Variants in DHODH observed in about 807,000 individuals in gnomAD.
The protein encoded by DHODH is dihydroorotate dehydrogenase (quinone), also known as dihydroorotate dehydrogenase (quinone), mitochondrial.
Under a neutral mutation model 39.7 loss-of-function variants are expected in DHODH, and 30 were observed. The observed-to-expected ratio is 0.76, with a 90% confidence interval of 0.57 to 1.02. The LOEUF is 1.02. Among genes scored for constraint, DHODH ranks in the 50% least tolerant of loss-of-function variants. DHODH has a pLI of 0.00. For missense variants in DHODH, 531 were observed against 520.8 expected (o/e 1.02, Z -0.19); for synonymous variants, 222 against 213.8 (o/e 1.04, Z -0.34).
intron 1 of DHODH, among the ~76,000 whole-genome samples, chr16:72,011,010 G>A (rs1274683321): frequency 6.7e-6 from 1 of 148,164 alleles, no homozygotes; most frequent in Non-Finnish European, 1.5e-5. Flanking sequence ...ACAAGCATGA[G>A]CCACCAAGTC....
At chr16:72,015,709 G>A in intron 3 of DHODH, 3 of 985,376 alleles carry the variant, frequency 3.0e-6, no homozygotes, top group Non-Finnish European at 3.6e-6. Context: ...TTCAGAATTG[G>A]CCAGGCAAAA....
intron 1 of DHODH, among the ~76,000 whole-genome samples, chr16:72,011,220 C>T (rs1335545013): frequency 1.3e-5 from 2 of 152,204 alleles, no homozygotes; most frequent in Non-Finnish European, 2.9e-5. Flanking sequence ...ACATATCAGG[C>T]ACCCCAGGAA....
rs892312312 is a variant in DHODH at position 72,017,002 on chromosome 16, C to G, written c.435-22C>G. ...TATGGTGCCGTCTCACTCTGCCCCT[C>G]CCGTGTGCTTGTGCTCTGCAGGTAT... is the stretch of plus-strand genomic sequence containing the variant. On this transcript the variant is annotated intron_variant, in intron 3 of 8. Transcript: ENST00000219240. 8 of 1,612,208 alleles carry G rather than the reference C, an allele frequency of 5.0e-6. No individual in the cohort carries two copies. The African/African-American group carries it at 1.1e-4, about 22-fold the overall frequency.
Position 72,021,183 on chromosome 16 carries a change from G to C in DHODH, c.577G>C (p.Asp193His), listed in dbSNP as rs745617898. The C allele has an allele frequency of 6.2e-7, 1 of 1,610,278 alleles. No individual in the cohort carries two copies. The highest frequency in any genetic ancestry group is 2.2e-5 in the East Asian group (1 of 44,716). The change falls in exon 5 of 9, where the codon GAC (aspartate) becomes CAC (histidine). Residue 193 changes from aspartate (D) to histidine (H), a missense_variant. Asp to His is a moderately conservative substitution (Grantham distance 81). Coordinates refer to ENST00000219240, the MANE Select transcript of DHODH (RefSeq NM_001361.5). ...CAAGACCTCAGTGGACGCCGCGGAG[G>C]ACTACGCAGAAGGGGTGCGCGTACT... is the stretch of plus-strand genomic sequence containing the variant. ...KNKTSVDAAE[D>H]YAEGVRVLGP...
In DHODH at chr16:72,023,754, C is replaced by T. The variant is rs1012368331; in HGVS notation, c.1133+121C>T. On this transcript the variant is annotated intron_variant, in intron 8 of 8. Transcript: ENST00000219240. The stretch of plus-strand genomic sequence containing the variant: ...ATTCAAAAAGGAGTTGAGGGGTACA[C>T]TCTGAAGGGGAGAGAAATTCTGGGT... 45 of 1,397,896 alleles carry T rather than the reference C, an allele frequency of 3.2e-5. No homozygotes were observed. The Admixed American group carries it at 8.2e-4, about 26-fold the overall frequency. The allele number at this position is 1,397,896 out of a possible 1,614,324, so 86.6% of individuals were successfully genotyped here.
chr16:72,014,704 G>A, intron 3 of DHODH, 32 bp downstream of exon 3: 1 of 1,609,126 alleles, frequency 6.2e-7, no homozygotes, highest in Non-Finnish European at 8.5e-7. Context: ...AACGGGGGAT[G>A]CCCTCTTTCC....
intron 1 of DHODH, among the ~76,000 whole-genome samples, chr16:72,009,619 TTA>T (rs1462578900): frequency 1.3e-5 from 2 of 151,978 alleles, no homozygotes; most frequent in Admixed American, 1.3e-4. Flanking sequence ...GACTTTCTTT[TTA>T]TATGTTTATT....
chr16:72,009,689 A>T (rs1047938824), intron 1 of DHODH, among the ~76,000 whole-genome samples: 2 of 151,352 alleles, frequency 1.3e-5, no homozygotes, highest in African/African-American at 4.9e-5. Context: ...ATCTTGGCTC[A>T]CTGCAACCTC....
chr16:72,015,310 T>TG (rs2041130105), intron 3 of DHODH, among the ~76,000 whole-genome samples: 1 of 152,252 alleles, frequency 6.6e-6, no homozygotes, highest in South Asian at 2.1e-4. Context: ...AGTAGCCACA[T>TG]GCGGCCAGCA....
intron 4 of DHODH, among the ~76,000 whole-genome samples, chr16:72,018,832 A>G (rs537971109): frequency 6.6e-5 from 10 of 152,380 alleles, no homozygotes; most frequent in Middle Eastern, 3.4e-3. Flanking sequence ...CGTTAGCTAC[A>G]TGAAAGTGAT....
chr16:72,014,279 G>GAGCC, intron 2 of DHODH, 194 bp from the exon 3 acceptor site: 1 of 608,930 alleles, frequency 1.6e-6, no homozygotes, highest in East Asian at 2.8e-5. Flanking sequence ...GTCCCCTGGA[G>GAGCC]AGCCAGCACT....
chr16:72,015,542 C>T (rs1441849764), intron 3 of DHODH: 2 of 233,778 alleles, frequency 8.6e-6, no homozygotes. Context: ...TTTCGATGGG[C>T]ATCTTTGGGG....
intron 4 of DHODH, among the ~76,000 whole-genome samples, chr16:72,017,477 G>A (rs2041154390): frequency 6.6e-6 from 1 of 152,162 alleles, no homozygotes; most frequent in African/African-American, 2.4e-5. Flanking sequence ...GTCATCCATT[G>A]TGTAAATAAT....
chr16:72,020,999 C>T (rs1567573167), intron 4 of DHODH, 125 bp from the exon 5 acceptor site: 6 of 973,534 alleles, frequency 6.2e-6, no homozygotes, highest in East Asian at 2.7e-5. Flanking sequence ...CAGCCGGTGT[C>T]GGGCAGGTCA....
Position 72,024,291 on chromosome 16 carries a change from T to G in DHODH, c.*92T>G. 2.1e-6 allele frequency: 3 copies of G among 1,398,438 alleles called. No homozygotes were observed. Among genetic ancestry groups the G allele is most frequent in the Non-Finnish European group, 3.0e-6 (3 of 989,526 alleles). The allele number at this position is 1,398,438 out of a possible 1,614,324, so 86.6% of individuals were successfully genotyped here. On this transcript the variant is annotated 3_prime_UTR_variant, in exon 9 of 9. Coordinates refer to ENST00000219240, the MANE Select transcript of DHODH (RefSeq NM_001361.5). Reference sequence around the variant, plus strand: ...GATCATGAGAGGAGGGACTCCATCTTGAGCCATGTCCCCCAGCCATGGCAT... The same window carrying G: ...GATCATGAGAGGAGGGACTCCATCTGGAGCCATGTCCCCCAGCCATGGCAT...
intron 4 of DHODH, among the ~76,000 whole-genome samples, chr16:72,019,360 T>A (rs148804750): frequency 7.2e-5 from 11 of 152,300 alleles, no homozygotes; most frequent in African/African-American, 2.6e-4. Flanking sequence ...GGGAAGGTGG[T>A]GAGCAGTACA....
intron 1 of DHODH, chr16:72,009,086 C>A (rs1177903619): frequency 2.2e-6 from 3 of 1,336,582 alleles, no homozygotes; most frequent in Non-Finnish European, 2.9e-6. Flanking sequence ...GACCGCCTAG[C>A]GTTGTGTGCC....
chr16:72,024,078 G>C, intron 8 of DHODH, 67 bp from the exon 9 acceptor site: 2 of 1,555,252 alleles, frequency 1.3e-6, no homozygotes, highest in South Asian at 1.1e-5. Context: ...GTGAACGTGG[G>C]CTTCCTGTAA....
rs548352527 is a variant in DHODH, at chr16:72,016,596, A to G, written c.435-428A>G. The G allele has an allele frequency of 7.6e-5, 24 of 316,962 alleles. No individual in the cohort carries two copies. In the East Asian group the frequency reaches 1.6e-3, roughly 21 times the overall value. The allele number at this position is 316,962 out of a possible 1,614,324, so 19.6% of individuals were successfully genotyped here. A position where few individuals can be genotyped will look rare whatever the true frequency, so the allele number is the denominator to read the frequency against. ...TTTGCAGCTGCGAGCTCTGTGCAGG[A>G]GGAGAGGGAGCGTTTGCTCTGAGCT... On this transcript the variant is annotated intron_variant, in intron 3 of 8. Coordinates refer to ENST00000219240, the MANE Select transcript of DHODH (RefSeq NM_001361.5).
Sources: allele counts gnomAD v4.1 joint callset (sites outside exome capture counted in the v4.1 genomes callset), GRCh38; gene constraint gnomAD v4.1.1; transcripts MANE v1.5; gene names NCBI Gene and HGNC (gene_info 2026-07-23, HGNC 2026-07-21).